The following PTPRG variants were observed in gnomAD, a reference collection of about 807,000 sequenced individuals.
PTPRG encodes receptor-type tyrosine-protein phosphatase gamma.
Under a neutral mutation model 165.3 loss-of-function variants are expected in PTPRG, and 102 were observed. The ratio of observed to expected loss-of-function variants is 0.62; its 90% CI spans 0.53 to 0.73. The LOEUF (loss-of-function observed/expected upper bound fraction) is 0.73. Among genes scored for constraint, PTPRG ranks in the 30% least tolerant of loss-of-function variants. The pLI is 0.00. For synonymous variants in PTPRG, 675 were observed against 669.5 expected, an observed-to-expected ratio of 1.01 and a Z score of -0.13; for missense variants, 1,866 against 1,861.4, an observed-to-expected ratio of 1.00 and a Z score of -0.05.
chr3:62,037,242 CT>C (rs1699975708), intron 4 of PTPRG, among the ~76,000 whole-genome samples: 1 of 152,136 alleles, frequency 6.6e-6, no homozygotes, highest in Admixed American at 6.5e-5. Flanking sequence ...GATACATTTG[CT>C]CATATGGAAA....
At chr3:61,780,750 G>C (rs1296880796) in intron 2 of PTPRG, among the ~76,000 whole-genome samples, 5 of 152,124 alleles carry the variant, frequency 3.3e-5, no homozygotes, top group African/African-American at 9.7e-5. Flanking sequence ...CTAAGAATTT[G>C]TTTTCAGTTC....
At chr3:61,693,001 GTTT>G (rs1393834124) in intron 1 of PTPRG, among the ~76,000 whole-genome samples, 2 of 152,000 alleles carry the variant, frequency 1.3e-5, no homozygotes, top group Non-Finnish European at 2.9e-5. Context: ...AGTAACAGTT[GTTT>G]TTATAGCAAT....
intron 2 of PTPRG, among the ~76,000 whole-genome samples, chr3:61,836,540 G>A (rs2036467466): frequency 6.6e-6 from 1 of 152,096 alleles, no homozygotes; most frequent in Non-Finnish European, 1.5e-5. Flanking sequence ...ACTACCTTCC[G>A]GGTACTTTGC....
At chr3:61,906,679 T>C (rs781302293) in intron 2 of PTPRG, among the ~76,000 whole-genome samples, 10 of 152,090 alleles carry the variant, frequency 6.6e-5, no homozygotes, top group Middle Eastern at 3.4e-3. Context: ...CCTCTAGATG[T>C]TGAGGTAGGA....
In PTPRG at chr3:62,003,341, T is replaced by G. The variant is rs1437638998; in HGVS notation, c.371-8T>G. 8 of 1,610,288 alleles carry G rather than the reference T, an allele frequency of 5.0e-6. No individual in the cohort carries two copies. The highest frequency in any genetic ancestry group is 5.9e-6 in the Non-Finnish European group (7 of 1,178,790). ...TTGTTTTCCTCTCTTCTCATTTGTTTCACACAGTCGCCATCCTTCTGAAAG... is the reference window on the plus strand; with the variant it reads ...TTGTTTTCCTCTCTTCTCATTTGTTGCACACAGTCGCCATCCTTCTGAAAG... On this transcript the variant is annotated splice_polypyrimidine_tract_variant and splice_region_variant and intron_variant, in intron 3 of 29. Transcript: ENST00000474889.
At chr3:61,737,381 G>A (rs890288176) in intron 1 of PTPRG, among the ~76,000 whole-genome samples, 1 of 152,134 alleles carries the variant, frequency 6.6e-6, no homozygotes, top group African/African-American at 2.4e-5. Flanking sequence ...GAATGCCATG[G>A]CAGCATCCTG....
intron 1 of PTPRG, among the ~76,000 whole-genome samples, chr3:61,578,176 G>T (rs889380865): frequency 2.6e-5 from 4 of 152,230 alleles, no homozygotes; most frequent in African/African-American, 9.6e-5. Context: ...GTGGGTTGCA[G>T]ACTGGTCCCT....
chr3:61,896,883 T>C lies in PTPRG; in HGVS notation c.191-92742T>C, dbSNP rs113906311. On this transcript the variant is annotated intron_variant, in intron 2 of 29. Coordinates refer to ENST00000474889, the MANE Select transcript of PTPRG (RefSeq NM_002841.4). The stretch of plus-strand genomic sequence containing the variant: ...TATGTCGTCTTTGGTGAACTATTCG[T>C]GTCTTCTGCCGATTCTCTTTTCTAA... 7.9e-3 allele frequency among the ~76,000 whole-genome samples: 1,201 copies of C among 152,240 alleles called. 18 individuals are homozygous for C. Among genetic ancestry groups the C allele is most frequent in the African/African-American group, 0.023 (948 of 41,548 alleles).
chr3:62,160,379 C>T (rs920415420), intron 7 of PTPRG, among the ~76,000 whole-genome samples: 1 of 152,254 alleles, frequency 6.6e-6, no homozygotes, highest in Non-Finnish European at 1.5e-5. Context: ...GATTAAAATA[C>T]AGCATTGCTA....
At chr3:62,292,274 C>A in intron 28 of PTPRG, 147 bp from the exon 29 acceptor site, 1 of 903,272 alleles carries the variant, frequency 1.1e-6, no homozygotes, top group Non-Finnish European at 1.6e-6. Context: ...AATCCCTCCC[C>A]CACCAGCATT....
At chr3:61,590,531 A>G (rs540184142) in intron 1 of PTPRG, among the ~76,000 whole-genome samples, 1 of 152,266 alleles carries the variant, frequency 6.6e-6, no homozygotes, top group Non-Finnish European at 1.5e-5. Flanking sequence ...CTCAAAAAAA[A>G]AAAGTATAAT....
chr3:61,931,906 C>G (rs1329357720), intron 2 of PTPRG, among the ~76,000 whole-genome samples: 1 of 152,148 alleles, frequency 6.6e-6, no homozygotes. Flanking sequence ...GACCTTTGGT[C>G]CTAAAGTTTT....
At chr3:61,742,376 G>T in intron 1 of PTPRG, 1 of 1,035,452 alleles carries the variant, frequency 9.7e-7, no homozygotes, top group Non-Finnish European at 1.4e-6. Flanking sequence ...CATTTTTATA[G>T]GAAGAAATTG....
chr3:61,571,649 C>T (rs1183573731), intron 1 of PTPRG, among the ~76,000 whole-genome samples: 1 of 152,184 alleles, frequency 6.6e-6, no homozygotes, highest in Non-Finnish European at 1.5e-5. Flanking sequence ...TTTTTTGACA[C>T]TACTCCTCTT....
At chr3:62,189,530 G>A (rs987155500) in intron 8 of PTPRG, among the ~76,000 whole-genome samples, 2 of 152,110 alleles carry the variant, frequency 1.3e-5, no homozygotes, top group East Asian at 1.9e-4. Flanking sequence ...CTTCTTACCC[G>A]GTTCCTGCAC....
At chr3:61,921,323 T>G (rs746300244) in intron 2 of PTPRG, among the ~76,000 whole-genome samples, 5 of 152,146 alleles carry the variant, frequency 3.3e-5, no homozygotes, top group Non-Finnish European at 5.9e-5. Context: ...TGAGAACATA[T>G]CGAAGTAAGA....
chr3:62,225,740 C>T (rs1292694515), intron 13 of PTPRG, among the ~76,000 whole-genome samples: 4 of 150,848 alleles, frequency 2.7e-5, no homozygotes, highest in African/African-American at 9.8e-5. Context: ...ACTGCACCTC[C>T]ACCTCCTGGG....
intron 6 of PTPRG, among the ~76,000 whole-genome samples, chr3:62,151,534 T>G (rs181118638): frequency 1.3e-5 from 2 of 151,964 alleles, no homozygotes; most frequent in East Asian, 3.9e-4. Flanking sequence ...GAACAATTAA[T>G]TATTAAAATA....
chr3:61,830,310 C>G (rs902205686), intron 2 of PTPRG, among the ~76,000 whole-genome samples: 1 of 152,156 alleles, frequency 6.6e-6, no homozygotes, highest in Non-Finnish European at 1.5e-5. Context: ...CTGTCTTACT[C>G]TGTTGTCGTG....
Sources: gnomAD v4.1 joint callset for allele counts (sites outside exome capture counted in the v4.1 genomes callset) on GRCh38, gnomAD v4.1.1 for gene constraint, MANE v1.5 for transcripts, NCBI Gene and HGNC (gene_info 2026-07-23, HGNC 2026-07-21) for gene names.